ROR1: variants seen among roughly 807,000 people sequenced by gnomAD.
ROR1 encodes inactive tyrosine-protein kinase transmembrane receptor ROR1.
ROR1 carries 19 observed loss-of-function variants against 78.8 expected under a neutral mutation model. The observed-to-expected ratio is 0.24, with a 90% CI of 0.17 to 0.35. ROR1 has a LOEUF of 0.35. Among genes scored for constraint, ROR1 ranks in the 10% least tolerant of loss-of-function variants. The probability of loss-of-function intolerance (pLI) is 1.00; values close to 1 mark genes in which losing one functional copy is unlikely to be tolerated. For missense variants in ROR1, 917 were observed against 1,177.8 expected, an observed-to-expected ratio of 0.78 and a Z score of 3.24; for synonymous variants, 386 against 433.6, an observed-to-expected ratio of 0.89 and a Z score of 1.36.
chr1:63,816,865 T>C (rs892489180), intron 1 of ROR1, among the ~76,000 whole-genome samples: 3 of 152,188 alleles, frequency 2.0e-5, no homozygotes, highest in Non-Finnish European at 2.9e-5. Context: ...GCACCCTGCA[T>C]AGTACCTTGC....
intron 1 of ROR1, among the ~76,000 whole-genome samples, chr1:63,996,281 G>A (rs960720423): frequency 2.0e-5 from 3 of 152,144 alleles, no homozygotes; most frequent in Non-Finnish European, 4.4e-5. Flanking sequence ...TCAGAAGAGG[G>A]AGAAATTAAA....
chr1:63,921,292 G>A (rs984283906), intron 1 of ROR1, among the ~76,000 whole-genome samples: 3 of 152,096 alleles, frequency 2.0e-5, no homozygotes, highest in Admixed American at 1.3e-4. Context: ...TGCAGATTCC[G>A]ATTTGAAAGT....
intron 4 of ROR1, among the ~76,000 whole-genome samples, chr1:64,092,505 C>A (rs1647207848): frequency 6.6e-6 from 1 of 151,644 alleles, no homozygotes. Context: ...ATGGAGGTGT[C>A]TTGAGAGTCT....
At chr1:64,091,115 C>T (rs952148036) in intron 4 of ROR1, among the ~76,000 whole-genome samples, 2 of 152,104 alleles carry the variant, frequency 1.3e-5, no homozygotes, top group East Asian at 3.8e-4. Context: ...TCTTAATCCC[C>T]AAACCCACTG....
chr1:64,102,066 G>A (rs1463541848), intron 4 of ROR1, among the ~76,000 whole-genome samples: 1 of 152,188 alleles, frequency 6.6e-6, no homozygotes, highest in African/African-American at 2.4e-5. Context: ...ATGAGAAAAA[G>A]AAGGTCCTGC....
chr1:63,883,829 A>G (rs1177226699), intron 1 of ROR1, among the ~76,000 whole-genome samples: 1 of 152,144 alleles, frequency 6.6e-6, no homozygotes, highest in African/African-American at 2.4e-5. Flanking sequence ...CCCTGCCCCT[A>G]GGAGAAATCT....
chr1:63,838,946 C>T (rs925400373), intron 1 of ROR1, among the ~76,000 whole-genome samples: 9 of 152,300 alleles, frequency 5.9e-5, no homozygotes, highest in East Asian at 3.9e-4. Flanking sequence ...AGTATGGTAA[C>T]ATGCTGTACA....
In ROR1 at chr1:63,843,747, G is replaced by A. The variant is rs566390521; in HGVS notation, c.91+69239G>A. The A allele has an allele frequency of 9.0e-5, 38 of 422,848 alleles. 1 individual carries two copies. The highest frequency in any genetic ancestry group is 4.5e-4 in the East Asian group (7 of 15,616). The allele number at this position is 422,848 out of a possible 1,614,324, so 26.2% of individuals were successfully genotyped here. On this transcript the variant is annotated intron_variant, in intron 1 of 8. Transcript: ENST00000371079. ...CGCAGAAGACAAGAGCACTGCAGCC[G>A]CTGCTGGGACCCGACTGCACTCTGT... is the stretch of plus-strand genomic sequence containing the variant.
chr1:63,997,743 T>A (rs1005136880), intron 1 of ROR1, among the ~76,000 whole-genome samples: 1 of 152,118 alleles, frequency 6.6e-6, no homozygotes, highest in Non-Finnish European at 1.5e-5. Flanking sequence ...TTATTTTTTT[T>A]AACATGCTCC....
intron 2 of ROR1, among the ~76,000 whole-genome samples, chr1:64,010,621 C>T (rs561986839): frequency 6.6e-6 from 1 of 152,244 alleles, no homozygotes; most frequent in Admixed American, 6.5e-5. Flanking sequence ...ATGATTAGCT[C>T]TCTATTGTCT....
Position 64,178,818 on chromosome 1 carries a change from A to G in ROR1, c.2777A>G (p.His926Arg). The G allele has an allele frequency of 6.2e-7, 1 of 1,614,072 alleles. No individual in the cohort carries two copies. Among genetic ancestry groups the G allele is most frequent in the Non-Finnish European group, 8.5e-7 (1 of 1,179,984 alleles). The change falls in exon 9 of 9, where the codon CAT becomes CGT. Residue 926 changes from histidine to arginine, a missense_variant. This residue lies in a region of ROR1 where 835 missense variants were observed against 1,069.8 expected (regional missense o/e 0.78). Transcript: ENST00000371079. The surrounding 1 kb of genome is among the most constrained non-coding windows in gnomAD (Gnocchi z 4.3). ...TCTTTACTAGGAGACGCCAATATTC[A>G]TGGACACACCGAATCTATGATTTCT... ...QASLLGDANI[H>R]GHTESMISAE...
At chr1:64,161,852 G>A (rs1031613444) in intron 8 of ROR1, among the ~76,000 whole-genome samples, 9 of 152,036 alleles carry the variant, frequency 5.9e-5, no homozygotes, top group Non-Finnish European at 7.4e-5. Flanking sequence ...ACTTGGCTCC[G>A]ATCAAATTTG....
At chr1:64,167,880 T>C (rs943951400) in intron 8 of ROR1, among the ~76,000 whole-genome samples, 3 of 152,216 alleles carry the variant, frequency 2.0e-5, no homozygotes, top group African/African-American at 7.2e-5. Flanking sequence ...CACTTTTGCA[T>C]CAATGGTCCT....
At chr1:63,821,041 A>G (rs1393166672) in intron 1 of ROR1, among the ~76,000 whole-genome samples, 10 of 152,254 alleles carry the variant, frequency 6.6e-5, no homozygotes, top group Admixed American at 5.9e-4. Flanking sequence ...AGGAAAAGGG[A>G]AAGATTTTTT....
chr1:64,050,770 C>A, intron 4 of ROR1, 54 bp downstream of exon 4: 3 of 1,569,658 alleles, frequency 1.9e-6, no homozygotes, highest in Non-Finnish European at 1.8e-6. Flanking sequence ...CCGTGGTTTT[C>A]TAGGGCAAAA....
chr1:63,869,221 A>G (rs927609105), intron 1 of ROR1, among the ~76,000 whole-genome samples: 1 of 152,246 alleles, frequency 6.6e-6, no homozygotes, highest in Non-Finnish European at 1.5e-5. Context: ...CCTAATATGC[A>G]TGGCAAGCCC....
intron 1 of ROR1, among the ~76,000 whole-genome samples, chr1:63,980,215 C>T (rs1047068959): frequency 6.6e-6 from 1 of 151,992 alleles, no homozygotes. Context: ...ATCCATCTAA[C>T]TCATGCTGCC....
intron 1 of ROR1, among the ~76,000 whole-genome samples, chr1:63,833,543 G>T (rs959064566): frequency 6.6e-6 from 1 of 152,206 alleles, no homozygotes; most frequent in Non-Finnish European, 1.5e-5. Flanking sequence ...GCTCGGGGAC[G>T]AGCCTCAGAA....
chr1:63,917,568 A>G (rs1403969797), intron 1 of ROR1, among the ~76,000 whole-genome samples: 2 of 152,190 alleles, frequency 1.3e-5, no homozygotes. Flanking sequence ...TGTATGATCT[A>G]TTGTTTCATG....
Sources: allele counts gnomAD v4.1 joint callset (sites outside exome capture counted in the v4.1 genomes callset), GRCh38; gene constraint gnomAD v4.1.1; regional missense constraint gnomAD v4.1.1; non-coding constraint Gnocchi (gnomAD v3.1); transcripts MANE v1.5; gene names NCBI Gene and HGNC (gene_info 2026-07-23, HGNC 2026-07-21).